The following PDE11A variants were observed in gnomAD, a reference collection of about 807,000 sequenced individuals.
PDE11A encodes dual 3',5'-cyclic-AMP and -GMP phosphodiesterase 11A.
Under a neutral mutation model 100.5 loss-of-function variants are expected in PDE11A, and 100 were observed. That is an observed-to-expected ratio of 1.00 (90% CI 0.85 to 1.18). The LOEUF (loss-of-function observed/expected upper bound fraction) is 1.18. PDE11A is among the 50% of genes most tolerant of loss of function. The probability of loss-of-function intolerance (pLI) is 0.00; values close to 1 mark genes in which losing one functional copy is unlikely to be tolerated. For missense variants in PDE11A, 1,141 were observed against 1,152.6 expected (o/e 0.99, Z 0.15); for synonymous variants, 381 against 420.8 (o/e 0.91, Z 1.16).
At chr2:178,061,236 G>A (rs965785045) in intron 1 of PDE11A, among the ~76,000 whole-genome samples, 4 of 151,980 alleles carry the variant, frequency 2.6e-5, no homozygotes, top group South Asian at 2.1e-4. Context: ...TGGCAGAGTC[G>A]GGCAGTGGGG....
chr2:177,971,875 A>C (rs889941675), intron 2 of PDE11A, among the ~76,000 whole-genome samples: 2 of 152,218 alleles, frequency 1.3e-5, no homozygotes, highest in African/African-American at 4.8e-5. Flanking sequence ...AGAAAAAAAA[A>C]AGGCAGTTAT....
In PDE11A at chr2:177,840,269, A is replaced by T; in HGVS notation, c.1482T>A (p.Asp494Glu). The change falls in exon 6 of 20, where the codon GAT (aspartate) becomes GAA (glutamate). Residue 494 changes from aspartate to glutamate, a missense_variant. Coordinates refer to ENST00000286063, the MANE Select transcript of PDE11A (RefSeq NM_016953.4). ...LPVNISDAYQDPRFDAEADQI... is the reference protein window; with the variant it reads ...LPVNISDAYQEPRFDAEADQI... The stretch of plus-strand genomic sequence containing the variant: ...CTCTTACCTCTGCATCAAAGCGCGG[A>T]TCCTGGTAGGCATCACTGATGTTCA... 6.2e-7 allele frequency: 1 copy of T among 1,614,160 alleles called. No homozygotes were observed. Among genetic ancestry groups the T allele is most frequent in the Non-Finnish European group, 8.5e-7 (1 of 1,180,016 alleles).
intron 2 of PDE11A, among the ~76,000 whole-genome samples, chr2:177,965,558 A>G (rs1325411284): frequency 6.6e-6 from 1 of 152,184 alleles, no homozygotes; most frequent in Non-Finnish European, 1.5e-5. Context: ...GAAGGGGTCC[A>G]GTTTCATTCT....
intron 13 of PDE11A, among the ~76,000 whole-genome samples, chr2:177,705,681 G>C (rs1319329103): frequency 6.6e-6 from 1 of 152,228 alleles, no homozygotes. Flanking sequence ...GCAGTGTGCA[G>C]CTGTGACTTA....
intron 10 of PDE11A, among the ~76,000 whole-genome samples, chr2:177,728,678 G>A (rs775611434): frequency 5.9e-5 from 9 of 152,112 alleles, no homozygotes; most frequent in Non-Finnish European, 1.0e-4. Flanking sequence ...CAGAATGATC[G>A]AAAGGATCAG....
Position 177,898,076 on chromosome 2 carries a change from T to C in PDE11A, c.1284A>G (p.Leu428=), listed in dbSNP as rs776613633. 8.7e-6 allele frequency: 14 copies of C among 1,612,708 alleles called. No individual in the cohort carries two copies. In the South Asian group the frequency reaches 1.4e-4, roughly 16 times the overall value. ...AACTTACTGGTGATTCGATGTCCTC[T>C]AGGAGTAAAACAGAACAGCGTTCAC... ...LKCERCSVLL[L]EDIESPVVKF... The change falls in exon 4 of 20, where the codon CTA becomes CTG. Residue 428 remains leucine, a synonymous_variant. Transcript: ENST00000286063.
At chr2:177,783,405 G>C (rs1480007815) in intron 9 of PDE11A, among the ~76,000 whole-genome samples, 1 of 135,656 alleles carries the variant, frequency 7.4e-6, no homozygotes, top group Non-Finnish European at 1.6e-5. Context: ...CCATGTTTTT[G>C]AGGTGGTTTT....
chr2:178,043,233 T>C (rs7598623), intron 1 of PDE11A, among the ~76,000 whole-genome samples: 33,845 of 152,102 alleles, frequency 0.22, 3,874 homozygotes, highest in Middle Eastern at 0.24. Context: ...GTATCTGTCA[T>C]GGGCAGATGA....
chr2:178,018,039 G>C (rs893473893), intron 1 of PDE11A: 6 of 159,684 alleles, frequency 3.8e-5, no homozygotes, highest in African/African-American at 1.2e-4. Flanking sequence ...ACCCAAGGAA[G>C]CTGATCTCTG....
intron 2 of PDE11A, chr2:177,998,172 C>T (rs2086100672): frequency 2.2e-6 from 2 of 920,782 alleles, no homozygotes; most frequent in Non-Finnish European, 3.7e-6. Context: ...AGCTTTTTAA[C>T]CCAGACAGTA....
intron 2 of PDE11A, among the ~76,000 whole-genome samples, chr2:177,989,050 T>A (rs2085973019): frequency 6.6e-6 from 1 of 152,260 alleles, no homozygotes; most frequent in African/African-American, 2.4e-5. Context: ...CTAACTGCGT[T>A]CAAAGATCCA....
chr2:177,776,906 A>G lies in PDE11A; in HGVS notation c.1738-7533T>C, dbSNP rs115639133. ...CATGGTAGGAACCTGGTGGGAGGTAACTGAAGCATGGGGGGGCAGTTACCC... is the reference window on the plus strand; with the variant it reads ...CATGGTAGGAACCTGGTGGGAGGTAGCTGAAGCATGGGGGGGCAGTTACCC... On this transcript the variant is annotated intron_variant, in intron 9 of 19. Transcript: ENST00000286063. Among the ~76,000 whole-genome samples, 949 of 152,210 alleles carry G rather than the reference A, an allele frequency of 6.2e-3. 15 individuals are homozygous for G. The highest frequency in any genetic ancestry group is 0.021 in the African/African-American group (887 of 41,540).
At chr2:177,750,109 C>T (rs1559172385) in intron 10 of PDE11A, among the ~76,000 whole-genome samples, 1 of 152,198 alleles carries the variant, frequency 6.6e-6, no homozygotes, top group Non-Finnish European at 1.5e-5. Context: ...AATTTCTGCA[C>T]ATACTCAAGC....
chr2:177,999,937 C>CA (rs2086123539), intron 2 of PDE11A, among the ~76,000 whole-genome samples: 2 of 152,216 alleles, frequency 1.3e-5, no homozygotes, highest in South Asian at 2.1e-4. Flanking sequence ...AACATACTCT[C>CA]ACTCCAGCTT....
rs185827273 is a variant in PDE11A at position 177,736,237 on chromosome 2, C to T, written c.1789-8065G>A. ...GATAAGTAACAGAGGAAGGGCCAGG[C>T]GTAGTGGCTCATGCCTGTAATCCCA... is the stretch of plus-strand genomic sequence containing the variant. On this transcript the variant is annotated intron_variant, in intron 10 of 19. Coordinates refer to ENST00000286063, the MANE Select transcript of PDE11A (RefSeq NM_016953.4). Among the ~76,000 whole-genome samples the T allele has an allele frequency of 2.9e-4, 44 of 152,160 alleles. 1 individual carries two copies. The East Asian group carries it at 7.4e-3, about 25-fold the overall frequency.
chr2:177,945,718 G>C (rs1226313309), intron 2 of PDE11A, among the ~76,000 whole-genome samples: 56 of 151,942 alleles, frequency 3.7e-4, no homozygotes, highest in African/African-American at 1.3e-3. Context: ...ACCCCGTCCG[G>C]GAGGGAGGTG....
chr2:177,971,447 A>T (rs1396065611), intron 2 of PDE11A, among the ~76,000 whole-genome samples: 1 of 152,202 alleles, frequency 6.6e-6, no homozygotes, highest in East Asian at 1.9e-4. Flanking sequence ...CCTAGCAATT[A>T]TCCTACCTCC....
chr2:177,643,011 G>A (rs887382638), intron 19 of PDE11A, among the ~76,000 whole-genome samples: 6 of 152,156 alleles, frequency 3.9e-5, no homozygotes, highest in African/African-American at 1.4e-4. Context: ...CCATGACTGT[G>A]AGGCCTCCCC....
At chr2:177,968,860 T>C (rs984087777) in intron 2 of PDE11A, among the ~76,000 whole-genome samples, 2 of 152,204 alleles carry the variant, frequency 1.3e-5, no homozygotes, top group Non-Finnish European at 2.9e-5. Flanking sequence ...GACAGTGTGG[T>C]GATTCCTCAA....
Sources: gnomAD v4.1 joint callset for allele counts (sites outside exome capture counted in the v4.1 genomes callset) on GRCh38, gnomAD v4.1.1 for gene constraint, MANE v1.5 for transcripts, NCBI Gene and HGNC (gene_info 2026-07-23, HGNC 2026-07-21) for gene names.